The following DRD2 variants were observed in gnomAD, a reference collection of about 807,000 sequenced individuals.
DRD2 encodes the protein dopamine receptor D2.
A neutral mutation model predicts 38.0 loss-of-function variants in DRD2; 8 were observed. That is an observed-to-expected ratio of 0.21 (90% CI 0.12 to 0.38). The LOEUF (loss-of-function observed/expected upper bound fraction) is 0.38, where lower values mean the gene tolerates loss of function less well. Ranked by LOEUF, DRD2 falls within the 10% of genes least tolerant of loss-of-function variation. The pLI is 1.00. For missense variants in DRD2, 403 were observed against 607.7 expected, an observed-to-expected ratio of 0.66 and a Z score of 3.54; for synonymous variants, 230 against 238.6, an observed-to-expected ratio of 0.96 and a Z score of 0.33.
intron 1 of DRD2, among the ~76,000 whole-genome samples, chr11:113,433,163 A>G (rs550864581): frequency 1.2e-4 from 19 of 152,220 alleles, no homozygotes; most frequent in Admixed American, 1.1e-3. Context: ...ACAAAGAGGA[A>G]CCTGGAGCAA....
chr11:113,413,018 G>A, intron 6 of DRD2, 135 bp from the exon 7 acceptor site: 1 of 1,015,274 alleles, frequency 9.8e-7, no homozygotes, highest in Non-Finnish European at 1.4e-6. Flanking sequence ...AGGGAGGCAA[G>A]GATGTCACTG....
intron 1 of DRD2, among the ~76,000 whole-genome samples, chr11:113,451,286 C>T (rs2119907509): frequency 6.6e-6 from 1 of 152,204 alleles, no homozygotes; most frequent in East Asian, 1.9e-4. Flanking sequence ...CCACAAAGGG[C>T]CTAAACCTAT....
rs375326161 is a variant in DRD2, at chr11:113,417,779, T to C, written c.395+248A>G. Among the ~76,000 whole-genome samples, 21 of 152,342 alleles carry C rather than the reference T, an allele frequency of 1.4e-4. 1 individual carries two copies. The East Asian group carries it at 2.1e-3, about 15-fold the overall frequency. On this transcript the variant is annotated intron_variant, in intron 3 of 7. Transcript: ENST00000362072. ...GTCAGAATCACAATCTTTCCCCTTT[T>C]GTACCAGTCACTGTCTGAGTATGCT...
chr11:113,458,135 G>A (rs1207296063), intron 1 of DRD2, among the ~76,000 whole-genome samples: 1 of 152,248 alleles, frequency 6.6e-6, no homozygotes, highest in Non-Finnish European at 1.5e-5. Flanking sequence ...ACTGCCTGAG[G>A]CAACAGCTCT....
At chr11:113,433,051 C>T (rs886231169) in intron 1 of DRD2, among the ~76,000 whole-genome samples, 2 of 152,246 alleles carry the variant, frequency 1.3e-5, no homozygotes, top group African/African-American at 4.8e-5. Flanking sequence ...CAGGCACAGT[C>T]ACTGTCTGGA....
At chr11:113,440,622 C>A (rs1290673837) in intron 1 of DRD2, among the ~76,000 whole-genome samples, 2 of 152,202 alleles carry the variant, frequency 1.3e-5, no homozygotes, top group East Asian at 3.8e-4. Context: ...AAAGGGCATT[C>A]CCAGGCATGA....
intron 2 of DRD2, among the ~76,000 whole-genome samples, chr11:113,423,561 A>C (rs370208182): frequency 1.4e-4 from 22 of 152,322 alleles, no homozygotes; most frequent in South Asian, 8.3e-4. Context: ...GGCGTGAGCC[A>C]CCGTGCTCGG....
chr11:113,469,050 A>G (rs1951396950), intron 1 of DRD2, among the ~76,000 whole-genome samples: 1 of 152,202 alleles, frequency 6.6e-6, no homozygotes, highest in Admixed American at 6.5e-5. Context: ...TGGACAGTTC[A>G]GTTCACCTCA....
intron 1 of DRD2, among the ~76,000 whole-genome samples, chr11:113,440,379 C>T (rs1951078957): frequency 6.6e-6 from 1 of 152,184 alleles, no homozygotes; most frequent in Non-Finnish European, 1.5e-5. Context: ...AGATGATTCC[C>T]CCCAGACTTT....
chr11:113,421,645 C>T (rs142471190), intron 2 of DRD2, among the ~76,000 whole-genome samples: 5 of 152,086 alleles, frequency 3.3e-5, no homozygotes, highest in African/African-American at 1.2e-4. Context: ...CACACTTAGT[C>T]CTAAGCCAGA....
chr11:113,459,189 T>C (rs1951293711), intron 1 of DRD2, among the ~76,000 whole-genome samples: 1 of 152,226 alleles, frequency 6.6e-6, no homozygotes, highest in African/African-American at 2.4e-5. Flanking sequence ...AGCTGATGCA[T>C]ATAAGGAAGA....
intron 1 of DRD2, among the ~76,000 whole-genome samples, chr11:113,457,496 G>C (rs1379910106): frequency 2.0e-5 from 3 of 151,974 alleles, no homozygotes; most frequent in African/African-American, 4.8e-5. Flanking sequence ...GAGTGCAATA[G>C]AACCGGCCTC....
intron 1 of DRD2, among the ~76,000 whole-genome samples, chr11:113,457,488 G>A (rs1463677398): frequency 6.6e-6 from 1 of 152,098 alleles, no homozygotes; most frequent in Non-Finnish European, 1.5e-5. Flanking sequence ...AGTTGAAAGA[G>A]TGCAATAGAA....
intron 1 of DRD2, among the ~76,000 whole-genome samples, chr11:113,433,532 GC>G (rs1333682133): frequency 6.6e-6 from 1 of 152,172 alleles, no homozygotes; most frequent in Non-Finnish European, 1.5e-5. Context: ...TACCCCATTT[GC>G]CCCTTCTCCC....
chr11:113,432,893 G>C (rs983127019), intron 1 of DRD2, among the ~76,000 whole-genome samples: 1 of 152,240 alleles, frequency 6.6e-6, no homozygotes, highest in African/African-American at 2.4e-5. Flanking sequence ...CAAGGGAAAA[G>C]GAGAGAGTTA....
intron 1 of DRD2, among the ~76,000 whole-genome samples, chr11:113,438,281 G>A (rs149752749): frequency 6.6e-6 from 1 of 152,120 alleles, no homozygotes; most frequent in East Asian, 1.9e-4. Flanking sequence ...AAATTGTTCT[G>A]GGCCTCAGTC....
intron 1 of DRD2, among the ~76,000 whole-genome samples, chr11:113,458,533 T>C (rs1198337674): frequency 2.0e-5 from 3 of 152,236 alleles, no homozygotes; most frequent in Non-Finnish European, 4.4e-5. Context: ...TCAGCTAAGA[T>C]TAAAGCACTA....
At chr11:113,414,056 C>T (rs928276973) in intron 6 of DRD2, 2 of 386,258 alleles carry the variant, frequency 5.2e-6, no homozygotes, top group Non-Finnish European at 9.9e-6. Context: ...GACTTACCTC[C>T]CGGGGTCGTG....
chr11:113,472,070 A>G (rs955125501), intron 1 of DRD2, among the ~76,000 whole-genome samples: 5 of 152,216 alleles, frequency 3.3e-5, no homozygotes, highest in Non-Finnish European at 7.3e-5. Flanking sequence ...TAAGCCACAA[A>G]GCGGGGAGAA....
Sources: gnomAD v4.1 joint callset for allele counts (sites outside exome capture counted in the v4.1 genomes callset) on GRCh38, gnomAD v4.1.1 for gene constraint, MANE v1.5 for transcripts, NCBI Gene and HGNC (gene_info 2026-07-23, HGNC 2026-07-21) for gene names.